The following FHIT variants were observed in gnomAD, a reference collection of about 807,000 sequenced individuals.
FHIT encodes the protein fragile histidine triad diadenosine triphosphatase, also known as bis(5'-adenosyl)-triphosphatase.
In FHIT, 19 loss-of-function variants were observed where a neutral mutation model predicts 17.9. That is an observed-to-expected ratio of 1.06 (90% CI 0.74 to 1.56). FHIT has a LOEUF of 1.56. Ranked by LOEUF, FHIT falls within the 40% of genes most tolerant of loss-of-function variation. FHIT has a pLI of 0.00. For missense variants in FHIT, 248 were observed against 189.2 expected, an observed-to-expected ratio of 1.31 and a Z score of -1.82; for synonymous variants, 81 against 69.7, an observed-to-expected ratio of 1.16 and a Z score of -0.81.
intron 5 of FHIT, among the ~76,000 whole-genome samples, chr3:60,075,256 A>G (rs981675780): frequency 4.6e-5 from 7 of 152,018 alleles, no homozygotes; most frequent in Non-Finnish European, 1.0e-4. Context: ...TAAAGTGGGG[A>G]GCTCCTTTAA....
At chr3:59,777,119 G>T (rs1202622965) in intron 8 of FHIT, among the ~76,000 whole-genome samples, 1 of 152,112 alleles carries the variant, frequency 6.6e-6, no homozygotes, top group African/African-American at 2.4e-5. Flanking sequence ...GCTTAGAAAG[G>T]ATTTCCCTTC....
chr3:60,469,462 C>T (rs1034653799), intron 5 of FHIT, among the ~76,000 whole-genome samples: 9 of 152,120 alleles, frequency 5.9e-5, no homozygotes, highest in African/African-American at 1.9e-4. Flanking sequence ...CTTCAGTAGG[C>T]CAGCTGCATT....
chr3:61,027,676 C>T (rs1464123603), intron 3 of FHIT, among the ~76,000 whole-genome samples: 3 of 152,038 alleles, frequency 2.0e-5, no homozygotes, highest in Non-Finnish European at 4.4e-5. Context: ...CCCATTCTTC[C>T]AGTATTATAA....
At chr3:61,008,899 T>G (rs189431247) in intron 3 of FHIT, among the ~76,000 whole-genome samples, 24 of 152,002 alleles carry the variant, frequency 1.6e-4, no homozygotes, top group African/African-American at 4.1e-4. Flanking sequence ...TTTGGGCTTT[T>G]TGTGTGTGTG....
At chr3:61,132,036 T>C (rs1477358286) in intron 2 of FHIT, among the ~76,000 whole-genome samples, 2 of 152,232 alleles carry the variant, frequency 1.3e-5, no homozygotes, top group East Asian at 3.8e-4. Context: ...ATAGGGATGA[T>C]ATGCTTTGAA....
rs181242942 is a variant in FHIT at position 61,038,355 on chromosome 3, T to A, written c.-111+3692A>T. Among the ~76,000 whole-genome samples, 271 of 152,268 alleles carry A rather than the reference T, an allele frequency of 1.8e-3. 1 individual carries two copies. Among genetic ancestry groups the A allele is most frequent in the African/African-American group, 6.3e-3 (261 of 41,558 alleles). On this transcript the variant is annotated intron_variant, in intron 3 of 9. Transcript: ENST00000492590. ...AAGGAACACATTAAAGAAGAGCATA[T>A]GAAACCAGAATGTGTGACTTCCTAC...
chr3:60,595,007 G>T (rs782552054), intron 4 of FHIT, among the ~76,000 whole-genome samples: 36 of 151,882 alleles, frequency 2.4e-4, no homozygotes, highest in Non-Finnish European at 4.9e-4. Context: ...CCCTTGCTGT[G>T]TTCCTCACAT....
intron 4 of FHIT, among the ~76,000 whole-genome samples, chr3:60,749,690 G>T (rs1319535149): frequency 6.6e-6 from 1 of 152,168 alleles, no homozygotes; most frequent in African/African-American, 2.4e-5. Context: ...AAAATCTCTA[G>T]GAGACAATTG....
chr3:60,245,678 T>C lies in FHIT; in HGVS notation c.104-231526A>G, dbSNP rs147066366. ...TATATATGATATTCCCAGCCCTTGA[T>C]CCAGAACTTCCAATTCTAGTGGAAT... On this transcript the variant is annotated intron_variant, in intron 5 of 9. Coordinates refer to ENST00000492590, the MANE Select transcript of FHIT (RefSeq NM_002012.4). Among the ~76,000 whole-genome samples, 355 of 152,194 alleles carry C rather than the reference T, an allele frequency of 2.3e-3. 1 individual carries two copies. Among genetic ancestry groups the C allele is most frequent in the African/African-American group, 6.6e-3 (273 of 41,546 alleles).
chr3:59,839,128 C>T (rs1166571494), intron 8 of FHIT, among the ~76,000 whole-genome samples: 1 of 151,960 alleles, frequency 6.6e-6, no homozygotes, highest in African/African-American at 2.4e-5. Flanking sequence ...ACCAGCCTGG[C>T]CAACATGGTG....
chr3:60,440,062 G>A (rs1190553163), intron 5 of FHIT, among the ~76,000 whole-genome samples: 1 of 151,960 alleles, frequency 6.6e-6, no homozygotes, highest in Non-Finnish European at 1.5e-5. Context: ...AGCCAACCTA[G>A]CCCCCAGAGT....
chr3:60,906,153 T>C (rs1227214089), intron 3 of FHIT, among the ~76,000 whole-genome samples: 1 of 152,136 alleles, frequency 6.6e-6, no homozygotes, highest in Non-Finnish European at 1.5e-5. Context: ...TAGTGGAATA[T>C]TAGGAAAAAA....
intron 5 of FHIT, among the ~76,000 whole-genome samples, chr3:60,507,135 A>T (rs2034764341): frequency 6.6e-6 from 1 of 152,222 alleles, no homozygotes. Context: ...AATAAAGGAA[A>T]GTGGCCAAGA....
chr3:61,152,922 T>A (rs1560023976), intron 2 of FHIT, among the ~76,000 whole-genome samples: 1 of 151,648 alleles, frequency 6.6e-6, no homozygotes, highest in Non-Finnish European at 1.5e-5. Flanking sequence ...GATGGGAGGA[T>A]CACAAGATCA....
chr3:61,036,918 G>GT (rs758052063), intron 3 of FHIT, among the ~76,000 whole-genome samples: 3,813 of 125,964 alleles, frequency 0.03, 126 homozygotes, highest in Admixed American at 0.063. Flanking sequence ...TTTTTTGTTT[G>GT]TTTGTTTTTT....
chr3:60,556,279 C>T (rs975169031), intron 4 of FHIT, among the ~76,000 whole-genome samples: 5 of 152,070 alleles, frequency 3.3e-5, no homozygotes, highest in African/African-American at 7.2e-5. Context: ...TTTCTGAGCA[C>T]CAAAGACAGA....
intron 4 of FHIT, among the ~76,000 whole-genome samples, chr3:60,705,448 A>G (rs2041349478): frequency 6.6e-6 from 1 of 152,202 alleles, no homozygotes; most frequent in Non-Finnish European, 1.5e-5. Flanking sequence ...AAGACAAGAA[A>G]GAGAAAGATG....
intron 5 of FHIT, among the ~76,000 whole-genome samples, chr3:60,374,767 A>G (rs1289444048): frequency 6.6e-6 from 1 of 152,060 alleles, no homozygotes; most frequent in East Asian, 1.9e-4. Flanking sequence ...AACATTTAGA[A>G]TATTTTCTCA....
intron 5 of FHIT, among the ~76,000 whole-genome samples, chr3:60,164,344 G>A (rs1053710010): frequency 6.6e-6 from 1 of 152,142 alleles, no homozygotes; most frequent in African/African-American, 2.4e-5. Flanking sequence ...TAAAAGAAGA[G>A]GCTGTTCTTT....
Sources: allele counts gnomAD v4.1 joint callset (sites outside exome capture counted in the v4.1 genomes callset), GRCh38; gene constraint gnomAD v4.1.1; transcripts MANE v1.5; gene names NCBI Gene and HGNC (gene_info 2026-07-23, HGNC 2026-07-21).